ASTN2: variants seen among roughly 807,000 people sequenced by gnomAD.
ASTN2 encodes astrotactin-2.
In ASTN2, 54 loss-of-function variants were observed where a neutral mutation model predicts 139.8. The ratio of observed to expected loss-of-function variants is 0.39; its 90% confidence interval spans 0.31 to 0.48. The LOEUF is 0.48. Ranked by LOEUF, ASTN2 falls within the 20% of genes least tolerant of loss-of-function variation. The pLI, the probability that ASTN2 is intolerant of heterozygous loss-of-function variation, is 0.95. For missense variants in ASTN2, 1,565 were observed against 1,725.1 expected (o/e 0.91, Z 1.64); for synonymous variants, 756 against 719.5 (o/e 1.05, Z -0.81).
At chr9:116,456,410 A>C (rs1280527475) in intron 20 of ASTN2, among the ~76,000 whole-genome samples, 4 of 152,210 alleles carry the variant, frequency 2.6e-5, no homozygotes, top group African/African-American at 9.6e-5. Context: ...AATAAAAAAA[A>C]TCCATATTAC....
chr9:117,172,102 T>A (rs1248709273), intron 3 of ASTN2, among the ~76,000 whole-genome samples: 1 of 152,206 alleles, frequency 6.6e-6, no homozygotes, highest in East Asian at 1.9e-4. Context: ...CAGAGTACTG[T>A]TTACTTTTTA....
At chr9:116,799,347 C>T (rs991640321) in intron 13 of ASTN2, among the ~76,000 whole-genome samples, 3 of 152,058 alleles carry the variant, frequency 2.0e-5, no homozygotes, top group Admixed American at 2.0e-4. Context: ...CACATCTTAC[C>T]CCAAACTGTC....
At chr9:117,274,576 G>A (rs1834141573) in intron 2 of ASTN2, among the ~76,000 whole-genome samples, 1 of 152,318 alleles carries the variant, frequency 6.6e-6, no homozygotes, top group Admixed American at 6.5e-5. Flanking sequence ...GAAGATATGA[G>A]TTAGCATCTT....
intron 13 of ASTN2, among the ~76,000 whole-genome samples, chr9:116,784,563 G>T (rs1478776339): frequency 6.6e-6 from 1 of 152,038 alleles, no homozygotes; most frequent in Non-Finnish European, 1.5e-5. Flanking sequence ...TTCCCCTATT[G>T]TCCCCACCTT....
intron 1 of ASTN2, among the ~76,000 whole-genome samples, chr9:117,309,709 C>T (rs1827910171): frequency 6.6e-6 from 1 of 152,098 alleles, no homozygotes; most frequent in Admixed American, 6.5e-5. Context: ...CCTCCTATAC[C>T]AAATCTAGGA....
At chr9:116,845,363 C>T (rs1832397857) in intron 11 of ASTN2, among the ~76,000 whole-genome samples, 1 of 152,162 alleles carries the variant, frequency 6.6e-6, no homozygotes, top group Non-Finnish European at 1.5e-5. Context: ...TCGTGATCCG[C>T]CCGCCTCGGC....
Position 117,414,746 on chromosome 9 carries a change from GC to G in ASTN2, c.192del (p.Leu65Ter). On this transcript the variant is annotated frameshift_variant, in exon 1 of 23. Coordinates refer to ENST00000313400, the MANE Select transcript of ASTN2 (RefSeq NM_001365068.1). LOFTEE classifies it high-confidence loss of function. This position sits in a 1 kb window ranked among gnomAD's most constrained non-coding sequence, Gnocchi z 4.2. ...AASREPDSPC[R>X]LKTVTVSTLP... ...AGTGTGGACACCGTGACGGTCTTCA[GC>G]CGGCACGGGCTGTCGGGCTCCCGCG... is the stretch of plus-strand genomic sequence containing the variant. 7.9e-7 allele frequency: 1 copy of G among 1,271,184 alleles called. No homozygotes were observed. Among genetic ancestry groups the G allele is most frequent in the Non-Finnish European group, 9.9e-7 (1 of 1,007,588 alleles). 78.7% of individuals were successfully genotyped at this position (1,271,184 alleles called of 1,614,324 possible).
chr9:116,584,662 C>T (rs1414587995), intron 19 of ASTN2: 1 of 152,182 alleles, frequency 6.6e-6, no homozygotes, highest in African/African-American at 2.4e-5. Context: ...CTTACCACTT[C>T]TGTTCATATA....
At chr9:117,311,592 C>T (rs1472289030) in intron 1 of ASTN2, among the ~76,000 whole-genome samples, 1 of 152,166 alleles carries the variant, frequency 6.6e-6, no homozygotes, top group Non-Finnish European at 1.5e-5. Context: ...AACCCAAAGT[C>T]ACTCAGTATG....
intron 2 of ASTN2, among the ~76,000 whole-genome samples, chr9:117,219,043 G>A (rs1441213114): frequency 6.6e-6 from 1 of 152,162 alleles, no homozygotes; most frequent in East Asian, 1.9e-4. Context: ...GAAAACAGCT[G>A]TGATATCCTG....
intron 17 of ASTN2, among the ~76,000 whole-genome samples, chr9:116,634,964 GA>G (rs1165223477): frequency 6.7e-6 from 1 of 148,258 alleles, no homozygotes; most frequent in African/African-American, 2.4e-5. Flanking sequence ...GGAAGACTAA[GA>G]AGAAAAAAAA....
intron 20 of ASTN2, among the ~76,000 whole-genome samples, chr9:116,455,086 C>A (rs529579733): frequency 6.6e-6 from 1 of 151,618 alleles, no homozygotes. Flanking sequence ...CAGTGGCTCA[C>A]GCCCATAATC....
chr9:116,491,383 A>G (rs1849513252), intron 19 of ASTN2, among the ~76,000 whole-genome samples: 1 of 152,214 alleles, frequency 6.6e-6, no homozygotes, highest in Non-Finnish European at 1.5e-5. Flanking sequence ...TTCCAAAGAC[A>G]TACCTTTTCT....
rs144906244 is a variant in ASTN2, at chr9:116,713,737, T to C, written c.2806+12034A>G. ...CATTTGCCAACTCTGTGCCTTTGGG[T>C]TGTATATCTTACCCCTCACTCCCAA... On this transcript the variant is annotated intron_variant, in intron 16 of 22. Transcript: ENST00000313400. Among the ~76,000 whole-genome samples the C allele has an allele frequency of 1.4e-4, 22 of 152,198 alleles. No individual in the cohort carries two copies. The South Asian group carries it at 2.1e-3, about 14-fold the overall frequency.
At chr9:117,356,832 G>A (rs1327445820) in intron 1 of ASTN2, among the ~76,000 whole-genome samples, 1 of 152,130 alleles carries the variant, frequency 6.6e-6, no homozygotes, top group Non-Finnish European at 1.5e-5. Flanking sequence ...GGAGGCTGAG[G>A]TGGGTGAATC....
At chr9:116,562,976 A>G (rs1045949593) in intron 19 of ASTN2, among the ~76,000 whole-genome samples, 14 of 152,296 alleles carry the variant, frequency 9.2e-5, no homozygotes, top group Non-Finnish European at 1.8e-4. Context: ...CCTTGCCCTC[A>G]TGGAACTTGC....
At chr9:116,763,605 C>T (rs1262368329) in intron 13 of ASTN2, among the ~76,000 whole-genome samples, 1 of 151,960 alleles carries the variant, frequency 6.6e-6, no homozygotes, top group East Asian at 1.9e-4. Flanking sequence ...GATGTAGAGT[C>T]AGCTAGACCT....
intron 1 of ASTN2, among the ~76,000 whole-genome samples, chr9:117,341,120 T>C (rs375376777): frequency 1.3e-5 from 2 of 152,206 alleles, no homozygotes; most frequent in South Asian, 2.1e-4. Context: ...TTGTGTTTTT[T>C]AAAGCCCTTG....
intron 5 of ASTN2, among the ~76,000 whole-genome samples, chr9:117,056,279 T>A (rs985627063): frequency 2.6e-5 from 4 of 152,220 alleles, no homozygotes; most frequent in African/African-American, 4.8e-5. Context: ...CAGCAATAGA[T>A]AACTACTACC....
Sources: allele counts gnomAD v4.1 joint callset (sites outside exome capture counted in the v4.1 genomes callset), GRCh38; gene constraint gnomAD v4.1.1; non-coding constraint Gnocchi (gnomAD v3.1); transcripts MANE v1.5; gene names NCBI Gene and HGNC (gene_info 2026-07-23, HGNC 2026-07-21).